ARK2C: variants seen among roughly 807,000 people sequenced by gnomAD.
The protein encoded by ARK2C is E3 ubiquitin-protein ligase ARK2C.
chr18:46,396,104 A>G, the ARK2C span, among the ~76,000 whole-genome samples: 1 of 152,200 alleles, frequency 6.6e-6, no homozygotes, highest in Non-Finnish European at 1.5e-5. Context: ...GACCAAGAGA[A>G]ATATGCAAGA....
the ARK2C span, among the ~76,000 whole-genome samples, chr18:46,345,044 C>A: frequency 2.7e-5 from 4 of 150,360 alleles, no homozygotes; most frequent in African/African-American, 1.0e-4. Context: ...GCAGCTCCTG[C>A]CTCGCTCCTT....
At chr18:46,414,476 A>T in the ARK2C span, among the ~76,000 whole-genome samples, 5 of 152,206 alleles carry the variant, frequency 3.3e-5, no homozygotes, top group Non-Finnish European at 7.3e-5. Context: ...ATGTACACAC[A>T]CACACATCAC....
chr18:46,349,323 G>GT, the ARK2C span, among the ~76,000 whole-genome samples: 1 of 152,108 alleles, frequency 6.6e-6, no homozygotes, highest in Admixed American at 6.5e-5. Context: ...CTAGATGGCT[G>GT]TTTTTTTGCT....
At chr18:46,454,929 A>G in the ARK2C span, among the ~76,000 whole-genome samples, 1 of 152,226 alleles carries the variant, frequency 6.6e-6, no homozygotes, top group African/African-American at 2.4e-5. Flanking sequence ...ATGGGGTGGT[A>G]CTTAAAGAAG....
the ARK2C span, among the ~76,000 whole-genome samples, chr18:46,369,180 A>G: frequency 6.6e-6 from 1 of 152,160 alleles, no homozygotes; most frequent in Non-Finnish European, 1.5e-5. Context: ...TGCTCTGTGG[A>G]CAAGAAAGCT....
At chr18:46,409,875 A>G in the ARK2C span, among the ~76,000 whole-genome samples, 1 of 152,166 alleles carries the variant, frequency 6.6e-6, no homozygotes, top group Non-Finnish European at 1.5e-5. Flanking sequence ...CGTTGTTTCC[A>G]GTCTTTTGTA....
chr18:46,391,632 G>A, the ARK2C span, among the ~76,000 whole-genome samples: 3 of 151,814 alleles, frequency 2.0e-5, no homozygotes, highest in African/African-American at 7.3e-5. Context: ...GAGCTGTTCT[G>A]CTTGGTTTGG....
chr18:46,453,093 C>T, the ARK2C span, among the ~76,000 whole-genome samples: 1 of 152,126 alleles, frequency 6.6e-6, no homozygotes, highest in South Asian at 2.1e-4. Flanking sequence ...GTGTCAATGT[C>T]AAAGACTGTG....
chr18:46,447,543 C>T, the ARK2C span: 1 of 1,613,968 alleles, frequency 6.2e-7, no homozygotes, highest in Non-Finnish European at 8.5e-7. Context: ...CTATGGTTCA[C>T]TGAGGCTGTT....
At chr18:46,334,199 C>G in the ARK2C span, 7 of 936,234 alleles carry the variant, frequency 7.5e-6, no homozygotes, top group Non-Finnish European at 8.9e-6. The surrounding 1 kb of genome is among the most constrained non-coding windows in gnomAD (Gnocchi z 4.4). Flanking sequence ...CGCCGCCGCC[C>G]GCGCCCGCGC....
the ARK2C span, among the ~76,000 whole-genome samples, chr18:46,416,529 C>T: frequency 6.6e-6 from 1 of 152,220 alleles, no homozygotes; most frequent in Non-Finnish European, 1.5e-5. Flanking sequence ...GAGTCCCCAC[C>T]TCAATAAACG....
At chr18:46,394,797 G>A in the ARK2C span, among the ~76,000 whole-genome samples, 7 of 152,166 alleles carry the variant, frequency 4.6e-5, no homozygotes, top group Non-Finnish European at 1.0e-4. Context: ...TGTTTCTGCA[G>A]GATCCAAAGG....
the ARK2C span, among the ~76,000 whole-genome samples, chr18:46,385,399 C>T: frequency 5.9e-5 from 9 of 151,838 alleles, no homozygotes; most frequent in African/African-American, 9.7e-5. Context: ...TGTGAGTGTG[C>T]GTGTGCATAT....
At chr18:46,386,436 G>A in the ARK2C span, 2 of 152,190 alleles carry the variant, frequency 1.3e-5, no homozygotes, top group African/African-American at 4.8e-5. Flanking sequence ...ATAGGAAGCA[G>A]AGGCAGAGGG....
chr18:46,450,606 G>T, the ARK2C span: 1 of 954,570 alleles, frequency 1.0e-6, no homozygotes, highest in Non-Finnish European at 1.7e-6. Context: ...CTATGTGAAT[G>T]CTTCCTGCTC....
the ARK2C span, among the ~76,000 whole-genome samples, chr18:46,355,077 G>C: frequency 1.5e-3 from 230 of 152,132 alleles, 2 homozygotes; most frequent in African/African-American, 5.2e-3. Context: ...AGCCTCCGGA[G>C]TAGCTAGGAC....
chr18:46,381,830 CA>C, the ARK2C span, among the ~76,000 whole-genome samples: 61 of 146,810 alleles, frequency 4.2e-4, no homozygotes, highest in South Asian at 2.4e-3. Context: ...GACCCTGTCT[CA>C]AAAAAAAAAA....
the ARK2C span, among the ~76,000 whole-genome samples, chr18:46,379,765 C>T: frequency 6.6e-6 from 1 of 152,224 alleles, no homozygotes; most frequent in East Asian, 1.9e-4. Context: ...GGACCACAGA[C>T]AGGGGAAGAG....
At chr18:46,452,288 A>G in the ARK2C span, among the ~76,000 whole-genome samples, 2 of 152,098 alleles carry the variant, frequency 1.3e-5, no homozygotes, top group Non-Finnish European at 2.9e-5. Flanking sequence ...TATTATTGTT[A>G]TTATTTTTTG....
Sources: gnomAD v4.1 joint callset for allele counts (sites outside exome capture counted in the v4.1 genomes callset) on GRCh38, gnomAD v4.1.1 for gene constraint, Gnocchi (gnomAD v3.1) non-coding constraint, MANE v1.5 for transcripts, NCBI Gene and HGNC (gene_info 2026-07-23, HGNC 2026-07-21) for gene names.